The following PTPRU variants were observed in gnomAD, a reference collection of about 807,000 sequenced individuals.
The protein encoded by PTPRU is receptor-type tyrosine-protein phosphatase U.
Under a neutral mutation model 166.3 loss-of-function variants are expected in PTPRU, and 69 were observed. The ratio of observed to expected loss-of-function variants is 0.41; its 90% confidence interval spans 0.34 to 0.51. PTPRU has a LOEUF of 0.51. PTPRU is among the 20% of genes least tolerant of loss of function. The pLI is 0.09. For missense variants in PTPRU, 1,657 were observed against 2,013.7 expected (o/e 0.82, Z 3.39); for synonymous variants, 793 against 814.0 (o/e 0.97, Z 0.44).
At chr1:29,308,991 C>T (rs1574708054) in intron 18 of PTPRU, among the ~76,000 whole-genome samples, 1 of 152,074 alleles carries the variant, frequency 6.6e-6, no homozygotes, top group African/African-American at 2.4e-5. Flanking sequence ...TGGCATGGAG[C>T]GACAGCAGGA....
In PTPRU at chr1:29,236,618, C is replaced by T; in HGVS notation, c.-27C>T. ...GGGGGCGGCGTCCCCCGCGCCGGGC[C>T]CCGGGACGGGCGGCGACGCTCCAAC... On this transcript the variant is annotated 5_prime_UTR_variant, in exon 1 of 30. Coordinates refer to ENST00000373779, the MANE Select transcript of PTPRU (RefSeq NM_133178.4). This position sits in a 1 kb window ranked among gnomAD's most constrained non-coding sequence, Gnocchi z 4.6. 1 of 1,229,098 alleles carries T rather than the reference C, an allele frequency of 8.1e-7. No homozygotes were observed. The highest frequency in any genetic ancestry group is 1.0e-6 in the Non-Finnish European group (1 of 985,952). 76.1% of individuals were successfully genotyped at this position (1,229,098 alleles called of 1,614,324 possible).
At chr1:29,269,219 CAT>C (rs1239721913) in intron 7 of PTPRU, among the ~76,000 whole-genome samples, 522 of 42,356 alleles carry the variant, frequency 0.012, 12 homozygotes, top group African/African-American at 0.031. Context: ...AATTTATATA[CAT>C]ATATATATAT....
In PTPRU at chr1:29,237,439, G is replaced by A. The variant is rs1176098650; in HGVS notation, c.73+722G>A. ...AACGGATGTGAGTGTGTGCGAATGT[G>A]TCCGTGTGTGCTGGCTGCGCGTCCA... On this transcript the variant is annotated intron_variant, in intron 1 of 29. Coordinates refer to ENST00000373779, the MANE Select transcript of PTPRU (RefSeq NM_133178.4). The surrounding 1 kb of genome is among the most constrained non-coding windows in gnomAD (Gnocchi z 6.4). 6.6e-6 allele frequency among the ~76,000 whole-genome samples: 1 copy of A among 152,196 alleles called. No homozygotes were observed. The highest frequency in any genetic ancestry group is 1.5e-5 in the Non-Finnish European group (1 of 68,022).
In PTPRU at chr1:29,322,574, GAGGCAA is replaced by G. The variant is rs537810385; in HGVS notation, c.3829-795_3829-790del. 7.9e-5 allele frequency among the ~76,000 whole-genome samples: 12 copies of G among 152,296 alleles called. No individual in the cohort carries two copies. In the East Asian group the frequency reaches 2.3e-3, roughly 29 times the overall value. The stretch of plus-strand genomic sequence containing the variant: ...TGAACGCACAGGGTTGCCAGGACCT[GAGGCAA>G]AATGAGGAAGGTGGTGTCCTCCTGT... On this transcript the variant is annotated intron_variant, in intron 26 of 29. Coordinates refer to ENST00000373779, the MANE Select transcript of PTPRU (RefSeq NM_133178.4).
In PTPRU at chr1:29,286,445, C is replaced by G. The variant is rs566045932; in HGVS notation, c.2318+1576C>G. ...GGATGAAGAAACTGTAATGAAAGCA[C>G]CTTGCCCAGGCCACTTGGCTGATGA... On this transcript the variant is annotated intron_variant, in intron 14 of 29. Coordinates refer to ENST00000373779, the MANE Select transcript of PTPRU (RefSeq NM_133178.4). 3.5e-4 allele frequency among the ~76,000 whole-genome samples: 54 copies of G among 152,218 alleles called. No individual in the cohort carries two copies. The Middle Eastern group carries it at 0.014, about 38-fold the overall frequency.
intron 7 of PTPRU, among the ~76,000 whole-genome samples, chr1:29,272,246 C>G (rs1167371194): frequency 2.0e-5 from 3 of 152,336 alleles, no homozygotes; most frequent in South Asian, 4.1e-4. Flanking sequence ...AATGGGCTTG[C>G]AGCCCACAGT....
intron 15 of PTPRU, among the ~76,000 whole-genome samples, chr1:29,299,472 G>A (rs1204449317): frequency 1.3e-5 from 2 of 152,174 alleles, no homozygotes; most frequent in African/African-American, 4.8e-5. Flanking sequence ...GTCCTTTTGG[G>A]AACATCATCA....
At chr1:29,258,196 C>T (rs1684857062) in intron 2 of PTPRU, among the ~76,000 whole-genome samples, 1 of 152,174 alleles carries the variant, frequency 6.6e-6, no homozygotes, top group Non-Finnish European at 1.5e-5. Context: ...AACTGCTGAC[C>T]TCAGGTGATT....
intron 7 of PTPRU, 43 bp from the exon 8 acceptor site, chr1:29,275,405 C>G (rs1685746660): frequency 9.2e-6 from 14 of 1,528,308 alleles, no homozygotes; most frequent in Non-Finnish European, 1.3e-5. Flanking sequence ...TCTTCTCTTC[C>G]CATTTCTTCT....
Position 29,236,690 on chromosome 1 carries a change from T to A in PTPRU, c.46T>A (p.Cys16Ser). The change falls in exon 1 of 30, where the codon TGC becomes AGC. Residue 16 changes from cysteine (C) to serine (S), a missense_variant. Cys to Ser is a moderately radical substitution (Grantham distance 112, BLOSUM62 -1). Transcript: ENST00000373779. This position sits in a 1 kb window ranked among gnomAD's most constrained non-coding sequence, Gnocchi z 4.6. Reference protein sequence around the residue: ...ALVLALTFQLCAPETETPAAG... With the variant: ...ALVLALTFQLSAPETETPAAG... ...CGTGCTGGCACTCACCTTCCAGCTC[T>A]GCGCGCCGGAGACCGAGACTCCGGC... 1 of 1,467,656 alleles carries A rather than the reference T, an allele frequency of 6.8e-7. No homozygotes were observed. The highest frequency in any genetic ancestry group is 9.0e-7 in the Non-Finnish European group (1 of 1,111,628). 90.9% of individuals were successfully genotyped at this position (1,467,656 alleles called of 1,614,324 possible). A position where few individuals can be genotyped will look rare whatever the true frequency, so the allele number is the denominator to read the frequency against.
intron 15 of PTPRU, among the ~76,000 whole-genome samples, chr1:29,303,211 G>A (rs1465907247): frequency 6.6e-6 from 1 of 152,182 alleles, no homozygotes; most frequent in Non-Finnish European, 1.5e-5. Context: ...ACGTCCTTGG[G>A]AATGCTGAAC....
Position 29,255,315 on chromosome 1 carries a change from C to T in PTPRU, c.114C>T (p.Pro38=). 3 of 1,614,022 alleles carry T rather than the reference C, an allele frequency of 1.9e-6. No individual in the cohort carries two copies. Among genetic ancestry groups the T allele is most frequent in the Non-Finnish European group, 2.5e-6 (3 of 1,179,954 alleles). Residue 38 remains proline, a synonymous_variant, in exon 2 of 30, where the codon CCC becomes CCT. Coordinates refer to ENST00000373779, the MANE Select transcript of PTPRU (RefSeq NM_133178.4). ...AGGAGGCAAGTGACCCAGCAGTGCC[C>T]TGCGAGTACAGCCAGGCCCAGTACG... ...TFEEASDPAV[P]CEYSQAQYDD... is the part of the protein sequence containing the mutation.
chr1:29,302,273 A>G (rs972714644), intron 15 of PTPRU, among the ~76,000 whole-genome samples: 1 of 152,232 alleles, frequency 6.6e-6, no homozygotes, highest in African/African-American at 2.4e-5. Flanking sequence ...ATTTTTGTAT[A>G]GCTGTACTAT....
At chr1:29,325,560 G>A in intron 29 of PTPRU, 39 bp from the exon 30 acceptor site, 1 of 1,581,054 alleles carries the variant, frequency 6.3e-7, no homozygotes, top group Non-Finnish European at 8.7e-7. Context: ...TGGAGTTGGG[G>A]TCAGGCTCAT....
At chr1:29,246,620 AT>A (rs146255309) in intron 1 of PTPRU, among the ~76,000 whole-genome samples, 312 of 143,094 alleles carry the variant, frequency 2.2e-3, no homozygotes, top group Admixed American at 3.4e-3. Flanking sequence ...CACAGCATCT[AT>A]TTTTTTTTTT....
In PTPRU at chr1:29,312,691, T is replaced by C; in HGVS notation, c.3212T>C (p.Ile1071Thr). The change falls in exon 22 of 30, where the codon ATT (isoleucine) becomes ACT (threonine). Residue 1071 changes from isoleucine (I) to threonine (T), a missense_variant. By Grantham distance (89) the Ile-to-Thr change is moderately conservative (BLOSUM62 -1). This residue lies in a region of PTPRU where 1,190 missense variants were observed against 1,477.4 expected (regional missense o/e 0.81). Coordinates refer to ENST00000373779, the MANE Select transcript of PTPRU (RefSeq NM_133178.4). Reference sequence around the variant, plus strand: ...TCCACCCCACCTGATGCCGGGCCCATTGTCATCCACTGCAGGTGGGGGCAC... The same window carrying C: ...TCCACCCCACCTGATGCCGGGCCCACTGTCATCCACTGCAGGTGGGGGCAC... Reference protein sequence around the residue: ...KASTPPDAGPIVIHCSAGTGR... With the variant: ...KASTPPDAGPTVIHCSAGTGR... 6.2e-7 allele frequency: 1 copy of C among 1,607,664 alleles called. No individual in the cohort carries two copies. The highest frequency in any genetic ancestry group is 8.5e-7 in the Non-Finnish European group (1 of 1,175,348).
At position 29,311,732 on chromosome 1, in the gene PTPRU, T is replaced by C. The variant is rs533783853; in HGVS notation, c.3045T>C (p.Tyr1015=). 3.1e-6 allele frequency: 5 copies of C among 1,614,180 alleles called. No individual in the cohort carries two copies. The highest frequency in any genetic ancestry group is 3.3e-5 in the Admixed American group (2 of 60,028). The part of the protein sequence containing the change: ...MLVKTETLAE[Y]VVRTFALERR... The stretch of plus-strand genomic sequence containing the variant: ...TGAAGACAGAGACCCTGGCTGAGTA[T>C]GTCGTGCGCACTTTTGCCCTGGAGC... The change falls in exon 21 of 30, where the codon TAT becomes TAC. Residue 1015 remains tyrosine (Y), a synonymous_variant. Transcript: ENST00000373779. The surrounding 1 kb of genome is among the most constrained non-coding windows in gnomAD (Gnocchi z 4.1).
rs1345532688 is a variant in PTPRU, at chr1:29,315,274, A to G, written c.3228-98A>G. ...TCATCTCTGTGTCCGTGTCCCCTGT[A>G]TGGTGTAGACATGGCCAGTGCCCTC... On this transcript the variant is annotated intron_variant, in intron 22 of 29. Transcript: ENST00000373779. This position sits in a 1 kb window ranked among gnomAD's most constrained non-coding sequence, Gnocchi z 4.5. 8 of 1,469,806 alleles carry G rather than the reference A, an allele frequency of 5.4e-6. No individual in the cohort carries two copies. Among genetic ancestry groups the G allele is most frequent in the South Asian group, 4.8e-5 (4 of 83,876 alleles). The allele number at this position is 1,469,806 out of a possible 1,614,324, so 91.0% of individuals were successfully genotyped here.
intron 1 of PTPRU, among the ~76,000 whole-genome samples, chr1:29,250,043 C>T (rs1422062654): frequency 4.0e-5 from 4 of 99,326 alleles, no homozygotes; most frequent in Non-Finnish European, 6.3e-5. Context: ...GCTTTGCTCC[C>T]CTGGGTCTTT....
Sources: gnomAD v4.1 joint callset for allele counts (sites outside exome capture counted in the v4.1 genomes callset) on GRCh38, gnomAD v4.1.1 for gene constraint, gnomAD v4.1.1 regional missense constraint, Gnocchi (gnomAD v3.1) non-coding constraint, MANE v1.5 for transcripts, NCBI Gene and HGNC (gene_info 2026-07-23, HGNC 2026-07-21) for gene names.